Variants in SNRPN observed in about 807,000 individuals in gnomAD.
SNRPN encodes small nuclear ribonucleoprotein polypeptide N, also known as small nuclear ribonucleoprotein-associated protein N.
SNRPN carries 7 observed loss-of-function variants against 25.2 expected under a neutral mutation model. The ratio of observed to expected loss-of-function variants is 0.28; its 90% CI spans 0.16 to 0.52. SNRPN has a LOEUF of 0.52. Among genes scored for constraint, SNRPN ranks in the 20% least tolerant of loss-of-function variants. SNRPN has a pLI of 0.96. For missense variants in SNRPN, 196 were observed against 322.5 expected, an observed-to-expected ratio of 0.61 and a Z score of 3.00; for synonymous variants, 124 against 110.6, an observed-to-expected ratio of 1.12 and a Z score of -0.76.
At chr15:24,939,564 C>A (rs1182192193) in intron 3 of SNRPN, among the ~76,000 whole-genome samples, 1 of 152,094 alleles carries the variant, frequency 6.6e-6, no homozygotes, top group African/African-American at 2.4e-5. Flanking sequence ...TCATGAGTAG[C>A]TGAGATTACA....
chr15:24,847,104 T>C (rs1243539407), intron 2 of SNRPN, among the ~76,000 whole-genome samples: 1 of 152,156 alleles, frequency 6.6e-6, no homozygotes, highest in African/African-American at 2.4e-5. Flanking sequence ...ATCCTCTACC[T>C]AGAAAACGAC....
chr15:24,862,958 A>G (rs2054133768), intron 1 of SNRPN, among the ~76,000 whole-genome samples: 1 of 151,034 alleles, frequency 6.6e-6, no homozygotes, highest in Non-Finnish European at 1.5e-5. Context: ...GGGCCTGAGC[A>G]GGGGAGGGAG....
At chr15:24,975,041 A>G (rs1378562343) in intron 4 of SNRPN, 15 of 698,164 alleles carry the variant, frequency 2.1e-5, no homozygotes, top group Non-Finnish European at 3.7e-5. Context: ...GTCTGGAGAG[A>G]GAGAACACCC....
In SNRPN at chr15:24,974,465, TATG is replaced by T; in HGVS notation, c.3+12_3+14del. On this transcript the variant is annotated intron_variant, in intron 4 of 9. Coordinates refer to ENST00000390687, the MANE Select transcript of SNRPN (RefSeq NM_003097.6). ...GTGGAACAGCAATCATGGTAAGCTGTATGATAAGGCTGAGGGTTGAAATGTGCT... is the reference window on the plus strand; with the variant it reads ...GTGGAACAGCAATCATGGTAAGCTGTATAAGGCTGAGGGTTGAAATGTGCT... 1 of 1,613,718 alleles carries T rather than the reference TATG, an allele frequency of 6.2e-7. No homozygotes were observed. Among genetic ancestry groups the T allele is most frequent in the Non-Finnish European group, 8.5e-7 (1 of 1,179,664 alleles).
chr15:24,853,148 A>G (rs1282294705), upstream of SNRPN, among the ~76,000 whole-genome samples: 1 of 152,162 alleles, frequency 6.6e-6, no homozygotes, highest in African/African-American at 2.4e-5. Flanking sequence ...CTTATTATAA[A>G]TCTTAACATT....
intron 1 of SNRPN, among the ~76,000 whole-genome samples, chr15:24,873,977 A>G (rs998148208): frequency 4.0e-5 from 6 of 151,132 alleles, no homozygotes; most frequent in Non-Finnish European, 7.4e-5. Context: ...CATTCACTCC[A>G]TGAGAAAAAA....
chr15:24,928,171 A>G (rs1414661991), intron 3 of SNRPN, among the ~76,000 whole-genome samples: 4 of 152,324 alleles, frequency 2.6e-5, no homozygotes, highest in African/African-American at 9.6e-5. Flanking sequence ...AACAGTATGC[A>G]GAGTCCTCAA....
At chr15:24,879,423 T>C (rs4906930) in intron 1 of SNRPN, among the ~76,000 whole-genome samples, 83,149 of 150,474 alleles carry the variant, frequency 0.55, 23,346 homozygotes, top group African/African-American at 0.65. Flanking sequence ...GAGGACAGAG[T>C]GCGATTCTGT....
At chr15:24,959,415 C>T (rs1414778967) in intron 1 of SNRPN, among the ~76,000 whole-genome samples, 1 of 152,080 alleles carries the variant, frequency 6.6e-6, no homozygotes, top group Non-Finnish European at 1.5e-5. Flanking sequence ...TCACTGGAGC[C>T]TGGGAGTTCA....
At chr15:24,913,219 C>T (rs181388569) in intron 2 of SNRPN, among the ~76,000 whole-genome samples, 24 of 152,200 alleles carry the variant, frequency 1.6e-4, no homozygotes, top group African/African-American at 2.9e-4. Flanking sequence ...GGATTACAGA[C>T]GTGAGCCACT....
At chr15:24,861,164 C>A (rs557954518) in intron 1 of SNRPN, among the ~76,000 whole-genome samples, 1 of 152,144 alleles carries the variant, frequency 6.6e-6, no homozygotes, top group Admixed American at 6.5e-5. Flanking sequence ...TGATGCATTG[C>A]TTAATCATGG....
At chr15:24,876,840 T>G (rs1027306303) in intron 1 of SNRPN, among the ~76,000 whole-genome samples, 1 of 152,116 alleles carries the variant, frequency 6.6e-6, no homozygotes, top group African/African-American at 2.4e-5. Context: ...TGGGAATGTA[T>G]AGAATGCAAA....
At chr15:24,840,131 G>C (rs924372787) in intron 2 of SNRPN, among the ~76,000 whole-genome samples, 1 of 152,202 alleles carries the variant, frequency 6.6e-6, no homozygotes, top group African/African-American at 2.4e-5. Context: ...GCCAAGGCGG[G>C]TGGATCACCT....
At chr15:24,827,272 T>C (rs1445838237) in intron 1 of SNRPN, among the ~76,000 whole-genome samples, 3 of 151,802 alleles carry the variant, frequency 2.0e-5, no homozygotes, top group African/African-American at 4.9e-5. Flanking sequence ...CCCAGCACTT[T>C]GGGAGGCCGA....
intron 2 of SNRPN, among the ~76,000 whole-genome samples, chr15:24,834,751 C>CTCTCTCTATATATATA: frequency 6.4e-4 from 39 of 60,946 alleles, no homozygotes; most frequent in Non-Finnish European, 9.3e-4. Context: ...CTCTCTCTCT[C>CTCTCTCTATATATATA]TATATATATA....
chr15:24,971,797 T>C (rs1236938746), intron 3 of SNRPN, among the ~76,000 whole-genome samples: 2 of 152,164 alleles, frequency 1.3e-5, no homozygotes, highest in Non-Finnish European at 2.9e-5. Flanking sequence ...TTTAAGTGCA[T>C]GAAGCAATGA....
At chr15:24,849,653 G>A (rs1168322622) in intron 2 of SNRPN, 1 of 152,190 alleles carries the variant, frequency 6.6e-6, no homozygotes, top group Non-Finnish European at 1.5e-5. Flanking sequence ...CCTAGTATTG[G>A]AGGGCTGCTA....
At chr15:24,873,330 CTT>C (rs540776442) in intron 1 of SNRPN, among the ~76,000 whole-genome samples, 7 of 105,792 alleles carry the variant, frequency 6.6e-5, no homozygotes, top group African/African-American at 1.3e-4. Flanking sequence ...GTTTTTGTTT[CTT>C]TTTTTTTTTT....
Position 24,978,211 on chromosome 15 carries a change from C to T in SNRPN, c.578C>T (p.Pro193Leu), listed in dbSNP as rs774320395. 1.2e-6 allele frequency: 2 copies of T among 1,613,810 alleles called. No homozygotes were observed. Among genetic ancestry groups the T allele is most frequent in the East Asian group, 2.2e-5 (1 of 44,868 alleles). The change falls in exon 9 of 10, where the codon CCT becomes CTT. Residue 193 changes from proline to leucine, a missense_variant. Coordinates refer to ENST00000390687, the MANE Select transcript of SNRPN (RefSeq NM_003097.6). The stretch of plus-strand genomic sequence containing the variant: ...ACTGTAGGCATTATGGCTCCTCCAC[C>T]TGGTATGAGACCACCCATGGGCCCA... ...TPPPGIMAPP[P>L]GMRPPMGPPI... is the part of the protein sequence containing the mutation.
Sources: gnomAD v4.1 joint callset for allele counts (sites outside exome capture counted in the v4.1 genomes callset) on GRCh38, gnomAD v4.1.1 for gene constraint, MANE v1.5 for transcripts, NCBI Gene and HGNC (gene_info 2026-07-23, HGNC 2026-07-21) for gene names.